FOXP1: variants seen among roughly 807,000 people sequenced by gnomAD.
The protein encoded by FOXP1 is forkhead box P1, also known as forkhead box protein P1.
In FOXP1, 15 loss-of-function variants were observed where a neutral mutation model predicts 98.2. That is an observed-to-expected ratio of 0.15 (90% CI 0.10 to 0.24). The LOEUF (loss-of-function observed/expected upper bound fraction) is 0.24, where lower values mean the gene tolerates loss of function less well. FOXP1 is among the 10% of genes least tolerant of loss of function. The pLI is 1.00. For missense variants in FOXP1, 633 were observed against 848.5 expected (o/e 0.75, Z 3.15); for synonymous variants, 371 against 314.5 (o/e 1.18, Z -1.90).
chr3:71,198,295 G>A lies in FOXP1; in HGVS notation c.87C>T (p.Cys29=), dbSNP rs550457312. ...TGGACCGCCCCTCCCGAAGACCGCCGCACTCTAGTAAGTGGTTGCTGCCGC... is the reference window on the plus strand; with the variant it reads ...TGGACCGCCCCTCCCGAAGACCGCCACACTCTAGTAAGTGGTTGCTGCCGC... The part of the protein sequence containing the change: ...GSGGSNHLLE[C]GGLREGRSNG... The change falls in exon 6 of 21, where the codon TGC becomes TGT. Residue 29 remains cysteine (C), a synonymous_variant. Transcript: ENST00000649528. 1.5e-5 allele frequency: 24 copies of A among 1,614,076 alleles called. No homozygotes were observed. The highest frequency in any genetic ancestry group is 5.3e-5 in the African/African-American group (4 of 75,004).
intron 3 of FOXP1, among the ~76,000 whole-genome samples, chr3:71,447,759 T>G (rs1000731870): frequency 1.3e-5 from 2 of 152,176 alleles, no homozygotes; most frequent in Non-Finnish European, 2.9e-5. Context: ...TTATTAAACT[T>G]GAATACTCAC....
chr3:71,348,536 TGTGTGTGTGTGTGC>T (rs1436825086), intron 4 of FOXP1, among the ~76,000 whole-genome samples: 842 of 66,912 alleles, frequency 0.013, 27 homozygotes, highest in Admixed American at 0.098. Flanking sequence ...TGTGTGTGTG[TGTGTGTGTGTGTGC>T]GTGCGCGCGC....
At chr3:71,397,419 C>T (rs1328578438) in intron 3 of FOXP1, among the ~76,000 whole-genome samples, 2 of 152,128 alleles carry the variant, frequency 1.3e-5, no homozygotes, top group Non-Finnish European at 2.9e-5. Flanking sequence ...CAAGTGATAT[C>T]CTGAATGTAG....
intron 12 of FOXP1, among the ~76,000 whole-genome samples, chr3:71,005,011 G>A (rs761387815): frequency 4.6e-5 from 7 of 152,034 alleles, no homozygotes; most frequent in Non-Finnish European, 7.4e-5. Flanking sequence ...GGTTATGAAC[G>A]TTGGCATGTG....
At chr3:71,138,088 G>A (rs1351988605) in intron 6 of FOXP1, among the ~76,000 whole-genome samples, 1 of 152,098 alleles carries the variant, frequency 6.6e-6, no homozygotes, top group Non-Finnish European at 1.5e-5. Context: ...CTGAGTGTTT[G>A]AGCAGACACC....
At chr3:71,306,656 A>C (rs1320829677) in intron 4 of FOXP1, among the ~76,000 whole-genome samples, 2 of 112,634 alleles carry the variant, frequency 1.8e-5, no homozygotes, top group South Asian at 3.0e-4. Context: ...AAAAAAAAAA[A>C]CGCTACTTAA....
chr3:71,037,228 A>C (rs1329330745), intron 11 of FOXP1, among the ~76,000 whole-genome samples: 7 of 152,212 alleles, frequency 4.6e-5, no homozygotes, highest in Non-Finnish European at 2.9e-5. Flanking sequence ...TCCCTAGTGC[A>C]CCATAATGTA....
At chr3:71,490,112 A>C (rs55853340) in intron 3 of FOXP1, among the ~76,000 whole-genome samples, 3 of 152,092 alleles carry the variant, frequency 2.0e-5, no homozygotes, top group African/African-American at 7.2e-5. Context: ...TGGAATGACT[A>C]ACTATCAGAT....
intron 6 of FOXP1, among the ~76,000 whole-genome samples, chr3:71,193,310 G>C (rs550041725): frequency 7.9e-6 from 1 of 126,124 alleles, no homozygotes; most frequent in East Asian, 2.4e-4. Context: ...ACCACACCCG[G>C]CTAATTTTTT....
intron 3 of FOXP1, among the ~76,000 whole-genome samples, chr3:71,443,577 T>C (rs1231644896): frequency 1.3e-5 from 2 of 152,108 alleles, no homozygotes; most frequent in African/African-American, 4.8e-5. Context: ...GAATCGCCTA[T>C]AGGGCTGGTT....
chr3:71,482,702 A>G (rs1321008033), intron 3 of FOXP1, among the ~76,000 whole-genome samples: 3 of 152,048 alleles, frequency 2.0e-5, no homozygotes, highest in East Asian at 3.9e-4. Context: ...ACCTGGCCTA[A>G]TAATACATAA....
intron 2 of FOXP1, among the ~76,000 whole-genome samples, chr3:71,565,341 G>C (rs571305687): frequency 6.6e-6 from 1 of 152,238 alleles, no homozygotes; most frequent in Admixed American, 6.5e-5. Flanking sequence ...CTTTGAAACA[G>C]TACTTTATTG....
intron 5 of FOXP1, among the ~76,000 whole-genome samples, chr3:71,293,838 C>T (rs1560256781): frequency 6.6e-6 from 1 of 152,116 alleles, no homozygotes; most frequent in Non-Finnish European, 1.5e-5. Flanking sequence ...TGTCAGTCTA[C>T]GGAAATACAC....
At chr3:71,140,770 C>G (rs1347056606) in intron 6 of FOXP1, among the ~76,000 whole-genome samples, 2 of 151,996 alleles carry the variant, frequency 1.3e-5, no homozygotes, top group African/African-American at 4.8e-5. Flanking sequence ...GAGAGAGGAA[C>G]TTTTCGAAAG....
At chr3:71,257,585 CAAA>C (rs11337315) in intron 5 of FOXP1, among the ~76,000 whole-genome samples, 6 of 71,712 alleles carry the variant, frequency 8.4e-5, no homozygotes, top group African/African-American at 1.5e-4. Context: ...AACTCCATCT[CAAA>C]AAAAAAAAAA....
At chr3:71,272,635 A>G (rs1420705857) in intron 5 of FOXP1, among the ~76,000 whole-genome samples, 2 of 147,864 alleles carry the variant, frequency 1.4e-5, no homozygotes, top group South Asian at 2.1e-4. Flanking sequence ...TTCATTTCTC[A>G]GTCCTTTATT....
At position 71,182,056 on chromosome 3, in the gene FOXP1, A is replaced by AG. The variant is rs2062340922; in HGVS notation, c.180+16145_180+16146insC. Among the ~76,000 whole-genome samples the AG allele has an allele frequency of 8.6e-5, 13 of 151,210 alleles. No homozygotes were observed. The South Asian group carries it at 2.5e-3, about 29-fold the overall frequency. On this transcript the variant is annotated intron_variant, in intron 6 of 20. Coordinates refer to ENST00000649528, the MANE Select transcript of FOXP1 (RefSeq NM_001349338.3). ...TCTCAAAAAAAAGAAAAAAAAGAAA[A>AG]AAAAAGAAAAAGAAAACAAATGTGG...
At chr3:71,000,920 T>A in intron 13 of FOXP1, 52 bp downstream of exon 13, 1 of 1,185,414 alleles carries the variant, frequency 8.4e-7, no homozygotes, top group South Asian at 1.2e-5. Context: ...ACTACAGAAA[T>A]CTGGAATTTG....
chr3:70,999,561 T>TA (rs1401869281), intron 13 of FOXP1, among the ~76,000 whole-genome samples: 14 of 152,218 alleles, frequency 9.2e-5, no homozygotes, highest in African/African-American at 3.4e-4. Flanking sequence ...ATAAATATCT[T>TA]ACTGTTCTAA....
Sources: allele counts gnomAD v4.1 joint callset (sites outside exome capture counted in the v4.1 genomes callset), GRCh38; gene constraint gnomAD v4.1.1; transcripts MANE v1.5; gene names NCBI Gene and HGNC (gene_info 2026-07-23, HGNC 2026-07-21).